Variants in PSEN1 observed in about 807,000 individuals in gnomAD.
The protein encoded by PSEN1 is presenilin 1.
Under a neutral mutation model 53.5 loss-of-function variants are expected in PSEN1, and 15 were observed. The ratio of observed to expected loss-of-function variants is 0.28; its 90% confidence interval spans 0.19 to 0.43. PSEN1 has a LOEUF of 0.43. Ranked by LOEUF, PSEN1 falls within the 20% of genes least tolerant of loss-of-function variation. The pLI is 1.00. For synonymous variants in PSEN1, 208 were observed against 209.8 expected (o/e 0.99, Z 0.08); for missense variants, 387 against 571.2 (o/e 0.68, Z 3.29).
intron 3 of PSEN1, among the ~76,000 whole-genome samples, chr14:73,158,282 T>TTCTATCTATCTATCTGTCTATCTATCTA (rs1555351587): frequency 7.1e-6 from 1 of 141,464 alleles, no homozygotes; most frequent in African/African-American, 2.7e-5. Flanking sequence ...TAACTTTTTT[T>TTCTATCTATCTATCTGTCTATCTATCTA]TCTATCTATC....
At chr14:73,157,799 G>A (rs187700127) in intron 3 of PSEN1, among the ~76,000 whole-genome samples, 59 of 152,060 alleles carry the variant, frequency 3.9e-4, no homozygotes, top group Non-Finnish European at 6.2e-4. Flanking sequence ...AGGCCACCTG[G>A]CCAACATGAA....
At chr14:73,197,705 A>G (rs949543642) in intron 7 of PSEN1, 1 of 321,416 alleles carries the variant, frequency 3.1e-6, no homozygotes, top group Non-Finnish European at 5.8e-6. Context: ...AAAATAGTCT[A>G]TCTCATCATT....
chr14:73,211,793 C>T lies in PSEN1; in HGVS notation c.980C>T (p.Thr327Ile), dbSNP rs774033846. 11 of 1,614,082 alleles carry T rather than the reference C, an allele frequency of 6.8e-6. 1 individual carries two copies. The South Asian group carries it at 9.9e-5, about 14-fold the overall frequency. Residue 327 changes from threonine (T) to isoleucine (I), a missense_variant, in exon 10 of 12, where the codon ACT becomes ATT. Around this residue, in one of 4 missense-constraint regions of PSEN1, gnomAD observed 75 missense variants for 63.7 expected, o/e 1.18. Transcript: ENST00000324501. ...AESTERESQD[T>I]VAENDDGGFS... ...GGCACAGAAAGGGAGTCACAAGACA[C>T]TGTTGCAGAGAATGATGATGGCGGG...
intron 5 of PSEN1, among the ~76,000 whole-genome samples, chr14:73,175,843 T>G (rs574429300): frequency 6.6e-6 from 1 of 152,372 alleles, no homozygotes; most frequent in East Asian, 1.9e-4. Context: ...ATCTACATAT[T>G]TATAACTGTC....
At chr14:73,171,588 C>T (rs960100297) in intron 4 of PSEN1, among the ~76,000 whole-genome samples, 2 of 152,342 alleles carry the variant, frequency 1.3e-5, no homozygotes, top group Non-Finnish European at 1.5e-5. Context: ...CCCTGACACA[C>T]GTGGTCCCTG....
At chr14:73,174,993 T>C (rs1021114767) in intron 5 of PSEN1, among the ~76,000 whole-genome samples, 5 of 152,302 alleles carry the variant, frequency 3.3e-5, no homozygotes, top group African/African-American at 1.2e-4. Flanking sequence ...TCACAAGTCA[T>C]GCACCTTTTA....
At chr14:73,212,007 T>C (rs1299414800) in intron 10 of PSEN1, 65 bp downstream of exon 10, 1 of 1,452,786 alleles carries the variant, frequency 6.9e-7, no homozygotes, top group East Asian at 2.4e-5. Flanking sequence ...ATCAACCTTT[T>C]TGAGAATAAA....
intron 11 of PSEN1, among the ~76,000 whole-genome samples, chr14:73,218,450 TTA>T (rs1900011280): frequency 6.6e-6 from 1 of 152,170 alleles, no homozygotes; most frequent in Non-Finnish European, 1.5e-5. Context: ...TAAAGATGTG[TTA>T]TCTTGGCCGG....
chr14:73,168,890 G>A (rs572022100), intron 3 of PSEN1: 1 of 152,442 alleles, frequency 6.6e-6, no homozygotes, highest in East Asian at 1.9e-4. Context: ...GCTGCTGCGG[G>A]GCCGCATAGA....
chr14:73,162,861 G>A (rs1488949217), intron 3 of PSEN1, among the ~76,000 whole-genome samples: 1 of 152,166 alleles, frequency 6.6e-6, no homozygotes, highest in Non-Finnish European at 1.5e-5. Flanking sequence ...ACAGTAGTAA[G>A]CAGGGGGATT....
Position 73,147,876 on chromosome 14 carries a change from G to T in PSEN1, c.-54G>T. 1.4e-6 allele frequency: 1 copy of T among 717,026 alleles called. No homozygotes were observed. The highest frequency in any genetic ancestry group is 2.5e-6 in the Non-Finnish European group (1 of 407,612). The allele number at this position is 717,026 out of a possible 1,614,324, so 44.4% of individuals were successfully genotyped here. On this transcript the variant is annotated splice_region_variant and 5_prime_UTR_variant, in exon 2 of 12. Coordinates refer to ENST00000324501, the MANE Select transcript of PSEN1 (RefSeq NM_000021.4). ...CCTGGAGGAGAACACATGAAAGAAA[G>T]GTTTGTTTCTGCTTAATGTAATCTA...
intron 3 of PSEN1, among the ~76,000 whole-genome samples, chr14:73,154,333 C>G (rs1014870965): frequency 1.3e-5 from 2 of 152,000 alleles, no homozygotes; most frequent in Admixed American, 1.3e-4. Context: ...TGTGGTGGCT[C>G]ATGTCTGTAT....
intron 1 of PSEN1, among the ~76,000 whole-genome samples, chr14:73,141,626 A>AATT (rs1896928146): frequency 6.6e-6 from 1 of 152,070 alleles, no homozygotes; most frequent in Non-Finnish European, 1.5e-5. Flanking sequence ...CTCTACTAAA[A>AATT]ATACAAAAAT....
intron 3 of PSEN1, among the ~76,000 whole-genome samples, chr14:73,157,601 A>G (rs1447939430): frequency 5.9e-5 from 9 of 152,170 alleles, no homozygotes; most frequent in Non-Finnish European, 1.2e-4. Context: ...AAGTTTCTTC[A>G]TGTTTTGTTG....
chr14:73,211,900 G>C lies in PSEN1; in HGVS notation c.1087G>C (p.Glu363Gln), dbSNP rs996227958. Residue 363 changes from glutamate (E) to glutamine (Q), a missense_variant, in exon 10 of 12, where the codon GAA (glutamate) becomes CAA (glutamine). Physicochemically the swap from Glu to Gln is conservative, Grantham distance 29. Coordinates refer to ENST00000324501, the MANE Select transcript of PSEN1 (RefSeq NM_000021.4). ...STPESRAAVQ[E>Q]LSSSILAGED... ...ACCTGAGTCACGAGCTGCTGTCCAG[G>C]AACTTTCCAGCAGTATCCTCGCTGG... 6 of 1,613,836 alleles carry C rather than the reference G, an allele frequency of 3.7e-6. No homozygotes were observed. The Admixed American group carries it at 5.0e-5, about 13-fold the overall frequency.
intron 7 of PSEN1, among the ~76,000 whole-genome samples, chr14:73,194,751 G>A (rs1898871955): frequency 6.6e-6 from 1 of 151,292 alleles, no homozygotes; most frequent in African/African-American, 2.4e-5. Context: ...TGTATTTGTA[G>A]TAGAGACGGG....
At chr14:73,185,009 G>A (rs1898439026) in intron 5 of PSEN1, among the ~76,000 whole-genome samples, 1 of 151,998 alleles carries the variant, frequency 6.6e-6, no homozygotes, top group African/African-American at 2.4e-5. Context: ...CAGACGATGG[G>A]CGGCCGGGCA....
At chr14:73,204,540 A>G (rs1156887428) in intron 8 of PSEN1, among the ~76,000 whole-genome samples, 1 of 151,934 alleles carries the variant, frequency 6.6e-6, no homozygotes, top group Non-Finnish European at 1.5e-5. Context: ...AAAAAAAAAA[A>G]AAAGAACAAG....
intron 3 of PSEN1, among the ~76,000 whole-genome samples, chr14:73,154,288 C>T (rs549536983): frequency 6.6e-6 from 1 of 152,178 alleles, no homozygotes; most frequent in East Asian, 1.9e-4. Flanking sequence ...TCATATTCAA[C>T]TACACACAAT....
Sources: gnomAD v4.1 joint callset for allele counts (sites outside exome capture counted in the v4.1 genomes callset) on GRCh38, gnomAD v4.1.1 for gene constraint, gnomAD v4.1.1 regional missense constraint, MANE v1.5 for transcripts, NCBI Gene and HGNC (gene_info 2026-07-23, HGNC 2026-07-21) for gene names.